DNAI4: variants seen among roughly 807,000 people sequenced by gnomAD.
DNAI4 encodes the protein WD repeat domain 78.
A neutral mutation model predicts 105.8 loss-of-function variants in DNAI4; 85 were observed. The observed-to-expected ratio is 0.80, with a 90% confidence interval of 0.67 to 0.96. The LOEUF (loss-of-function observed/expected upper bound fraction) is 0.96, where lower values mean the gene tolerates loss of function less well. Ranked by LOEUF, DNAI4 falls within the 40% of genes least tolerant of loss-of-function variation. DNAI4 has a pLI of 0.00. For missense variants in DNAI4, 1,014 were observed against 1,005.6 expected (o/e 1.01, Z -0.11); for synonymous variants, 352 against 331.5 (o/e 1.06, Z -0.67).
intron 9 of DNAI4, 21 bp from the exon 10 acceptor site, chr1:66,837,817 T>C: frequency 6.3e-7 from 1 of 1,584,640 alleles, no homozygotes; most frequent in Admixed American, 1.9e-5. Context: ...GAAAAATACA[T>C]TTAAAAATAA....
At chr1:66,913,124 G>T (rs948611432) in intron 1 of DNAI4, among the ~76,000 whole-genome samples, 8 of 152,078 alleles carry the variant, frequency 5.3e-5, no homozygotes, top group Non-Finnish European at 7.4e-5. Flanking sequence ...TTTCTTTCCT[G>T]CTTCTAAGAT....
intron 4 of DNAI4, among the ~76,000 whole-genome samples, chr1:66,878,508 G>C (rs1647003972): frequency 6.6e-6 from 1 of 152,146 alleles, no homozygotes; most frequent in Non-Finnish European, 1.5e-5. Context: ...GAGAGTGCTT[G>C]CTGCTTCTGG....
intron 10 of DNAI4, among the ~76,000 whole-genome samples, chr1:66,836,228 G>A (rs1488542404): frequency 5.6e-4 from 77 of 136,988 alleles, no homozygotes; most frequent in African/African-American, 8.1e-4. Context: ...GAGAGAGAGA[G>A]AGAGAGAAAG....
At chr1:66,898,853 G>C (rs1181997584) in intron 2 of DNAI4, among the ~76,000 whole-genome samples, 1 of 152,178 alleles carries the variant, frequency 6.6e-6, no homozygotes, top group African/African-American at 2.4e-5. Context: ...TCAGGAGTTT[G>C]ATAGTGAATG....
Position 66,924,676 on chromosome 1 carries a change from C to A in DNAI4, c.156G>T (p.Gln52His), listed in dbSNP as rs1414786301. 2 of 1,614,222 alleles carry A rather than the reference C, an allele frequency of 1.2e-6. No homozygotes were observed. Among genetic ancestry groups the A allele is most frequent in the East Asian group, 4.5e-5 (2 of 44,878 alleles). The change falls in exon 1 of 17, where the codon CAG becomes CAT. Residue 52 changes from glutamine to histidine, a missense_variant. Transcript: ENST00000371026. ...MPVSPAGSHK[Q>H]QNFGLNNATQ... Reference sequence around the variant, plus strand: ...CCGGAACTTACAACCCGAAGTTCTGCTGCTTGTGACTGCCTGCCGGAGAGA... The same window carrying A: ...CCGGAACTTACAACCCGAAGTTCTGATGCTTGTGACTGCCTGCCGGAGAGA...
chr1:66,887,620 T>C (rs1647261685), intron 4 of DNAI4, among the ~76,000 whole-genome samples: 1 of 152,138 alleles, frequency 6.6e-6, no homozygotes, highest in Non-Finnish European at 1.5e-5. Context: ...AAATAAATCA[T>C]ATTAAAAACA....
chr1:66,890,102 T>G lies in DNAI4; in HGVS notation c.643+1052A>C, dbSNP rs1647466159. On this transcript the variant is annotated intron_variant, in intron 4 of 16. Transcript: ENST00000371026. The surrounding 1 kb of genome is among the most constrained non-coding windows in gnomAD (Gnocchi z 4.1). The stretch of plus-strand genomic sequence containing the variant: ...CACACAGATCACTTGAGCCCAGGAG[T>G]TCGAGACCAGCCTGGTCAACATAGT... 1 of 151,914 alleles carries G rather than the reference T, an allele frequency of 6.6e-6. No homozygotes were observed. Among genetic ancestry groups the G allele is most frequent in the Non-Finnish European group, 1.5e-5 (1 of 68,026 alleles). The allele number at this position is 151,914 out of a possible 1,614,324, so 9.4% of individuals were successfully genotyped here. A position where few individuals can be genotyped will look rare whatever the true frequency, so the allele number is the denominator to read the frequency against.
At chr1:66,822,311 A>G (rs769134065) in intron 16 of DNAI4, 50 bp downstream of exon 16, 37 of 1,470,940 alleles carry the variant, frequency 2.5e-5, no homozygotes, top group Non-Finnish European at 3.3e-5. Flanking sequence ...CAAAAGTATA[A>G]CTGAATAGAC....
intron 4 of DNAI4, among the ~76,000 whole-genome samples, chr1:66,883,180 C>CTTTTTT (rs755412295): frequency 1.3e-3 from 121 of 92,972 alleles, no homozygotes; most frequent in African/African-American, 3.0e-3. Context: ...GTTTTCTTTT[C>CTTTTTT]TTTTTTTTTT....
rs774430870 is a variant in DNAI4, at chr1:66,891,245, T to G, written c.552A>C (p.Thr184=). Residue 184 remains threonine (T), a synonymous_variant, in exon 4 of 17, where the codon ACA becomes ACC. Transcript: ENST00000371026. The stretch of plus-strand genomic sequence containing the variant: ...TTGCTGATACACTTGACTTAGAAAC[T>G]GTACTGCTTCCTAAAACTGACCTTT... ...QFTRSVLGSS[T]VSKSSVSASE... is the part of the protein sequence containing the mutation. 6.2e-7 allele frequency: 1 copy of G among 1,613,638 alleles called. No individual in the cohort carries two copies. The highest frequency in any genetic ancestry group is 1.1e-5 in the South Asian group (1 of 91,032).
intron 16 of DNAI4, among the ~76,000 whole-genome samples, chr1:66,814,622 C>A (rs1645479251): frequency 6.6e-6 from 1 of 152,168 alleles, no homozygotes; most frequent in South Asian, 2.1e-4. Context: ...CCCACCTTGG[C>A]CTCCCAAAGT....
At position 66,924,677 on chromosome 1, in the gene DNAI4, T is replaced by C; in HGVS notation, c.155A>G (p.Gln52Arg). 1 of 1,614,236 alleles carries C rather than the reference T, an allele frequency of 6.2e-7. No homozygotes were observed. Among genetic ancestry groups the C allele is most frequent in the South Asian group, 1.1e-5 (1 of 91,082 alleles). The change falls in exon 1 of 17, where the codon CAG (glutamine) becomes CGG (arginine). Residue 52 changes from glutamine to arginine, a missense_variant. Coordinates refer to ENST00000371026, the MANE Select transcript of DNAI4 (RefSeq NM_024763.5). ...MPVSPAGSHK[Q>R]QNFGLNNATQ... ...CGGAACTTACAACCCGAAGTTCTGC[T>C]GCTTGTGACTGCCTGCCGGAGAGAC...
chr1:66,893,067 A>AGAG, intron 3 of DNAI4, among the ~76,000 whole-genome samples, 162 bp downstream of exon 3: 1 of 94,612 alleles, frequency 1.1e-5, no homozygotes, highest in East Asian at 3.1e-4. Flanking sequence ...GAGAGAGAGA[A>AGAG]AGAAAGAAAG....
At chr1:66,875,038 G>A in intron 4 of DNAI4, 101 bp from the exon 5 acceptor site, 1 of 1,151,368 alleles carries the variant, frequency 8.7e-7, no homozygotes, top group South Asian at 1.6e-5. Context: ...ATATATTGCA[G>A]GTGGTTTATA....
intron 2 of DNAI4, among the ~76,000 whole-genome samples, chr1:66,897,434 T>G (rs1648426477): frequency 6.6e-6 from 1 of 152,128 alleles, no homozygotes; most frequent in African/African-American, 2.4e-5. Context: ...GAACCAAGGG[T>G]GTGGCCCAGA....
chr1:66,873,559 G>C (rs935141987), intron 5 of DNAI4, among the ~76,000 whole-genome samples: 3 of 152,192 alleles, frequency 2.0e-5, no homozygotes, highest in Non-Finnish European at 4.4e-5. Flanking sequence ...GTGATCTGAA[G>C]GAATCTTAAG....
chr1:66,840,954 G>A (rs990457522), intron 8 of DNAI4, among the ~76,000 whole-genome samples: 1 of 152,206 alleles, frequency 6.6e-6, no homozygotes, highest in Non-Finnish European at 1.5e-5. Context: ...AAAATGTAAA[G>A]AGACTCACTA....
Position 66,910,112 on chromosome 1 carries a change from T to C in DNAI4, c.171-4737A>G, listed in dbSNP as rs543512042. The stretch of plus-strand genomic sequence containing the variant: ...CCTGTAATCCCAGTACTTTGGAAGA[T>C]TGAGACAGGAGGATTGCTTGAGGTC... On this transcript the variant is annotated intron_variant, in intron 1 of 16. Transcript: ENST00000371026. Among the ~76,000 whole-genome samples the C allele has an allele frequency of 5.9e-4, 90 of 152,194 alleles. 1 individual carries two copies. In the South Asian group the frequency reaches 8.5e-3, roughly 14 times the overall value.
chr1:66,880,459 G>A (rs368439602), intron 4 of DNAI4, among the ~76,000 whole-genome samples: 3 of 152,178 alleles, frequency 2.0e-5, no homozygotes, highest in Non-Finnish European at 4.4e-5. Context: ...AGTCTCAGAT[G>A]GAAATGAAGG....
Sources: allele counts gnomAD v4.1 joint callset (sites outside exome capture counted in the v4.1 genomes callset), GRCh38; gene constraint gnomAD v4.1.1; non-coding constraint Gnocchi (gnomAD v3.1); transcripts MANE v1.5; gene names NCBI Gene and HGNC (gene_info 2026-07-23, HGNC 2026-07-21).